PROK1: variants seen among roughly 807,000 people sequenced by gnomAD.
PROK1 encodes prokineticin-1.
In PROK1, 10 loss-of-function variants were observed where a neutral mutation model predicts 8.8. The observed-to-expected ratio is 1.13, with a 90% CI of 0.70 to 1.92. PROK1 has a LOEUF of 1.92. Ranked by LOEUF, PROK1 falls within the 30% of genes most tolerant of loss-of-function variation. The pLI is 0.00. For missense variants in PROK1, 140 were observed against 139.7 expected, an observed-to-expected ratio of 1.00 and a Z score of -0.01; for synonymous variants, 57 against 56.0, an observed-to-expected ratio of 1.02 and a Z score of -0.08.
In PROK1 at chr1:110,454,072, C is replaced by T. The variant is rs1348748333; in HGVS notation, c.184C>T (p.Pro62Ser). The change falls in exon 2 of 3, where the codon CCC (proline) becomes TCC (serine). Residue 62 changes from proline to serine, a missense_variant. Physicochemically the swap from Pro to Ser is moderately conservative, Grantham distance 74. Coordinates refer to ENST00000271331, the MANE Select transcript of PROK1 (RefSeq NM_032414.3). ...GGGGCGGGAAGGCGAGGAGTGCCACCCCGGCAGCCACAAGGTACTCTGCAG... is the reference window on the plus strand; with the variant it reads ...GGGGCGGGAAGGCGAGGAGTGCCACTCCGGCAGCCACAAGGTACTCTGCAG... ...PLGREGEECHPGSHKVPFFRK... is the reference protein window; with the variant it reads ...PLGREGEECHSGSHKVPFFRK... 2.5e-6 allele frequency: 4 copies of T among 1,613,590 alleles called. No individual in the cohort carries two copies. The highest frequency in any genetic ancestry group is 2.2e-5 in the East Asian group (1 of 44,886).
In PROK1 at chr1:110,457,163, T is replaced by C. The variant is rs1664185937; in HGVS notation, c.*812T>C. ...CATATTAGAAGGCAATTAGGGTGTTTCCTTAAACAACTCCTTTCCAAGGAT... is the reference window on the plus strand; with the variant it reads ...CATATTAGAAGGCAATTAGGGTGTTCCCTTAAACAACTCCTTTCCAAGGAT... On this transcript the variant is annotated 3_prime_UTR_variant, in exon 3 of 3. Coordinates refer to ENST00000271331, the MANE Select transcript of PROK1 (RefSeq NM_032414.3). 1 of 152,714 alleles carries C rather than the reference T, an allele frequency of 6.5e-6. No individual in the cohort carries two copies. Among genetic ancestry groups the C allele is most frequent in the Non-Finnish European group, 1.5e-5 (1 of 68,426 alleles). 9.5% of individuals were successfully genotyped at this position (152,714 alleles called of 1,614,324 possible).
At chr1:110,453,308 C>T (rs1417343624) in intron 1 of PROK1, among the ~76,000 whole-genome samples, 1 of 152,190 alleles carries the variant, frequency 6.6e-6, no homozygotes, top group African/African-American at 2.4e-5. Context: ...TTTAATGTGG[C>T]CTTCTTTACA....
At chr1:110,453,060 T>C (rs1034678203) in intron 1 of PROK1, among the ~76,000 whole-genome samples, 1 of 152,176 alleles carries the variant, frequency 6.6e-6, no homozygotes. Flanking sequence ...GTAGGAGGCT[T>C]CCAGGTCCTG....
chr1:110,453,970 C>G lies in PROK1; in HGVS notation c.82C>G (p.Arg28Gly), dbSNP rs149887149. 1.7e-5 allele frequency: 28 copies of G among 1,614,194 alleles called. No individual in the cohort carries two copies. In the African/African-American group the frequency reaches 2.3e-4, roughly 13 times the overall value. The change falls in exon 2 of 3, where the codon CGG (arginine) becomes GGG (glycine). Residue 28 changes from arginine (R) to glycine (G), a missense_variant. By Grantham distance (125) the Arg-to-Gly change is moderately radical. Coordinates refer to ENST00000271331, the MANE Select transcript of PROK1 (RefSeq NM_032414.3). ...TCTCTCCCTCCTACAGGCCTGTGAG[C>G]GGGATGTCCAGTGTGGGGCAGGCAC... ...DCAVITGACE[R>G]DVQCGAGTCC...
chr1:110,453,877 A>T, intron 1 of PROK1, 84 bp from the exon 2 acceptor site: 3 of 1,584,542 alleles, frequency 1.9e-6, no homozygotes, highest in Non-Finnish European at 2.6e-6. Context: ...CTCCATCCTG[A>T]TAAGGGCTTT....
chr1:110,456,210 T>C, intron 2 of PROK1, 22 bp from the exon 3 acceptor site: 1 of 1,609,170 alleles, frequency 6.2e-7, no homozygotes, highest in Non-Finnish European at 8.5e-7. Flanking sequence ...TTGGTGAAGG[T>C]GTTGATTTCT....
At chr1:110,452,776 C>T (rs993760777) in intron 1 of PROK1, among the ~76,000 whole-genome samples, 1 of 152,216 alleles carries the variant, frequency 6.6e-6, no homozygotes, top group African/African-American at 2.4e-5. Flanking sequence ...TCCACCACCT[C>T]TACACTCCCC....
At chr1:110,454,328 A>C (rs17628304) in intron 2 of PROK1, among the ~76,000 whole-genome samples, 57,413 of 152,174 alleles carry the variant, frequency 0.38, 11,492 homozygotes, top group East Asian at 0.55. Flanking sequence ...CCCTGCCATC[A>C]ACAGGCATCC....
At chr1:110,451,369 C>A in intron 1 of PROK1, 81 bp downstream of exon 1, 1 of 1,224,004 alleles carries the variant, frequency 8.2e-7, no homozygotes, top group Non-Finnish European at 1.2e-6. Flanking sequence ...AGGAACCATG[C>A]AGGAGGCTCT....
chr1:110,454,608 C>T (rs188523530), intron 2 of PROK1, among the ~76,000 whole-genome samples: 5 of 152,318 alleles, frequency 3.3e-5, no homozygotes, highest in Non-Finnish European at 1.5e-5. Context: ...GGCACTGCCT[C>T]CTTGTTTTTG....
chr1:110,453,206 CA>C (rs1159923282), intron 1 of PROK1, among the ~76,000 whole-genome samples: 4 of 152,244 alleles, frequency 2.6e-5, no homozygotes, highest in African/African-American at 7.2e-5. Context: ...GCTTCTTCAG[CA>C]GGTCCCCACC....
In PROK1 at chr1:110,456,496, A is replaced by T. The variant is rs999967295; in HGVS notation, c.*145A>T. On this transcript the variant is annotated 3_prime_UTR_variant, in exon 3 of 3. Transcript: ENST00000271331. ...TCTCTTGTCTAGTACGCACATATGC[A>T]CACAGGCAGACATACCTCCCATCAT... 1 of 968,728 alleles carries T rather than the reference A, an allele frequency of 1.0e-6. No individual in the cohort carries two copies. The highest frequency in any genetic ancestry group is 1.6e-6 in the Non-Finnish European group (1 of 626,206). 60.0% of individuals were successfully genotyped at this position (968,728 alleles called of 1,614,324 possible). A position where few individuals can be genotyped will look rare whatever the true frequency, so the allele number is the denominator to read the frequency against.
Position 110,456,664 on chromosome 1 carries a change from A to G in PROK1, c.*313A>G, listed in dbSNP as rs568358667. ...ACATTCCCCCTCCCCTCCCCAGGTGACCTGCTCTCTTTCCTGGGCCCTGCC... is the reference window on the plus strand; with the variant it reads ...ACATTCCCCCTCCCCTCCCCAGGTGGCCTGCTCTCTTTCCTGGGCCCTGCC... On this transcript the variant is annotated 3_prime_UTR_variant, in exon 3 of 3. Coordinates refer to ENST00000271331, the MANE Select transcript of PROK1 (RefSeq NM_032414.3). The G allele has an allele frequency of 5.9e-5, 24 of 405,514 alleles. No individual in the cohort carries two copies. Among genetic ancestry groups the G allele is most frequent in the African/African-American group, 4.7e-4 (23 of 48,808 alleles). 25.1% of individuals were successfully genotyped at this position (405,514 alleles called of 1,614,324 possible). A position where few individuals can be genotyped will look rare whatever the true frequency, so the allele number is the denominator to read the frequency against.
rs1664170618 is a variant in PROK1, at chr1:110,456,279, C to T, written c.246C>T (p.Pro82=). The T allele has an allele frequency of 1.2e-6, 2 of 1,613,874 alleles. No homozygotes were observed. Among genetic ancestry groups the T allele is most frequent in the African/African-American group, 1.3e-5 (1 of 74,924 alleles). The change falls in exon 3 of 3, where the codon CCC becomes CCT. Residue 82 remains proline, a synonymous_variant. Coordinates refer to ENST00000271331, the MANE Select transcript of PROK1 (RefSeq NM_032414.3). ...KRKHHTCPCL[P]NLLCSRFPDG... is the part of the protein sequence containing the mutation. ...AGCACCACACCTGTCCTTGCTTGCC[C>T]AACCTGCTGTGCTCCAGGTTCCCGG... is the stretch of plus-strand genomic sequence containing the variant.
chr1:110,455,940 C>CGT (rs143245805), intron 2 of PROK1, among the ~76,000 whole-genome samples: 57 of 151,120 alleles, frequency 3.8e-4, no homozygotes, highest in East Asian at 1.6e-3. Flanking sequence ...CATGTGTGTG[C>CGT]GTGTGTGTGT....
At position 110,456,387 on chromosome 1, in the gene PROK1, T is replaced by C. The variant is rs1664173838; in HGVS notation, c.*36T>C. ...GGTCTCAGGATACCCACCATCCTTT[T>C]CCTGAGCACAGCCTGGATTTTTATT... is the stretch of plus-strand genomic sequence containing the variant. On this transcript the variant is annotated 3_prime_UTR_variant, in exon 3 of 3. Coordinates refer to ENST00000271331, the MANE Select transcript of PROK1 (RefSeq NM_032414.3). 6.2e-7 allele frequency: 1 copy of C among 1,612,472 alleles called. No individual in the cohort carries two copies. Among genetic ancestry groups the C allele is most frequent in the Non-Finnish European group, 8.5e-7 (1 of 1,179,922 alleles).
chr1:110,456,440 T>G lies in PROK1; in HGVS notation c.*89T>G. Reference sequence around the variant, plus strand: ...TGCCATGAAACCCAGCTCCCATGACTCTCCCAGTCCCTACACTGACTACCC... The same window carrying G: ...TGCCATGAAACCCAGCTCCCATGACGCTCCCAGTCCCTACACTGACTACCC... On this transcript the variant is annotated 3_prime_UTR_variant, in exon 3 of 3. Coordinates refer to ENST00000271331, the MANE Select transcript of PROK1 (RefSeq NM_032414.3). 1.3e-6 allele frequency: 2 copies of G among 1,530,656 alleles called. No individual in the cohort carries two copies. The highest frequency in any genetic ancestry group is 2.3e-5 in the South Asian group (2 of 88,712). The allele number at this position is 1,530,656 out of a possible 1,614,324, so 94.8% of individuals were successfully genotyped here. A position where few individuals can be genotyped will look rare whatever the true frequency, so the allele number is the denominator to read the frequency against.
In PROK1 at chr1:110,457,061, A is replaced by G; in HGVS notation, c.*710A>G. The G allele has an allele frequency of 6.5e-6, 1 of 154,418 alleles. No homozygotes were observed. Among genetic ancestry groups the G allele is most frequent in the Non-Finnish European group, 1.4e-5 (1 of 69,456 alleles). The allele number at this position is 154,418 out of a possible 1,614,324, so 9.6% of individuals were successfully genotyped here. ...CCCCTCTTACCACACTTTACCAGTT[A>G]ACCACTGAAGCCCCCAATTCCCACA... On this transcript the variant is annotated 3_prime_UTR_variant, in exon 3 of 3. Transcript: ENST00000271331.
chr1:110,454,522 C>T (rs1232371650), intron 2 of PROK1, among the ~76,000 whole-genome samples: 1 of 152,228 alleles, frequency 6.6e-6, no homozygotes, highest in African/African-American at 2.4e-5. Context: ...GCTCAAGGCA[C>T]ACAACCAATG....
Sources: gnomAD v4.1 joint callset for allele counts (sites outside exome capture counted in the v4.1 genomes callset) on GRCh38, gnomAD v4.1.1 for gene constraint, MANE v1.5 for transcripts, NCBI Gene and HGNC (gene_info 2026-07-23, HGNC 2026-07-21) for gene names.